Variants in CGGBP1 observed in about 807,000 individuals in gnomAD.
CGGBP1 encodes the protein CGG triplet repeat-binding protein 1.
CGGBP1 carries 4 observed loss-of-function variants against 11.4 expected under a neutral mutation model. The ratio of observed to expected loss-of-function variants is 0.35; its 90% CI spans 0.17 to 0.80. CGGBP1 has a LOEUF of 0.80. CGGBP1 is among the 30% of genes least tolerant of loss of function. The pLI is 0.52. For synonymous variants in CGGBP1, 76 were observed against 74.1 expected (o/e 1.03, Z -0.13); for missense variants, 135 against 202.1 (o/e 0.67, Z 2.01).
intron 2 of CGGBP1, among the ~76,000 whole-genome samples, chr3:88,133,918 A>C (rs4414876): frequency 0.78 from 118,966 of 151,874 alleles, 47,510 homozygotes; most frequent in South Asian, 0.91. Flanking sequence ...AGGAATGTTT[A>C]GTGTCACTGC....
intron 2 of CGGBP1, among the ~76,000 whole-genome samples, chr3:88,129,445 A>T (rs1706317568): frequency 6.6e-6 from 1 of 151,916 alleles, no homozygotes; most frequent in African/African-American, 2.4e-5. Context: ...TCTTTTCCTA[A>T]TATGGATCGT....
rs1706339223 is a variant in CGGBP1 at position 88,129,841 on chromosome 3, A to AT, written c.-229+11128dup. The AT allele has an allele frequency of 2.1e-6, 3 of 1,406,150 alleles. No individual in the cohort carries two copies. In the African/African-American group the frequency reaches 4.3e-5, roughly 20 times the overall value. The allele number at this position is 1,406,150 out of a possible 1,614,324, so 87.1% of individuals were successfully genotyped here. A position where few individuals can be genotyped will look rare whatever the true frequency, so the allele number is the denominator to read the frequency against. On this transcript the variant is annotated intron_variant, in intron 2 of 3. Transcript: ENST00000462901. ...TACTGTATCTGGTAAGTGTTTGTAA[A>AT]TAAAGAAATTGAAATGGTAAGATGG... is the stretch of plus-strand genomic sequence containing the variant.
intron 1 of CGGBP1, among the ~76,000 whole-genome samples, chr3:88,141,395 A>G (rs1447294960): frequency 6.6e-6 from 1 of 152,112 alleles, no homozygotes; most frequent in Non-Finnish European, 1.5e-5. Flanking sequence ...TAAAAGTTGT[A>G]ATTTTGATGG....
In CGGBP1 at chr3:88,055,315, T is replaced by C. The variant is rs1358997753; in HGVS notation, c.*158A>G. 6.7e-6 allele frequency: 4 copies of C among 598,366 alleles called. No homozygotes were observed. The highest frequency in any genetic ancestry group is 3.0e-5 in the East Asian group (1 of 32,992). The allele number at this position is 598,366 out of a possible 1,614,324, so 37.1% of individuals were successfully genotyped here. On this transcript the variant is annotated 3_prime_UTR_variant, in exon 4 of 4. Transcript: ENST00000482016. This position sits in a 1 kb window ranked among gnomAD's most constrained non-coding sequence, Gnocchi z 4.2. ...CTAAAATTAACAATAAGTTTTGCAG[T>C]GAGGTGGTTTTTTTTTTGCCTGCAA...
rs1351113492 is a variant in CGGBP1 at position 88,052,268 on chromosome 3, A to C, written c.*3205T>G. 1.3e-5 allele frequency: 2 copies of C among 152,668 alleles called. No individual in the cohort carries two copies. Among genetic ancestry groups the C allele is most frequent in the African/African-American group, 2.4e-5 (1 of 41,458 alleles). The allele number at this position is 152,668 out of a possible 1,614,324, so 9.5% of individuals were successfully genotyped here. On this transcript the variant is annotated 3_prime_UTR_variant, in exon 4 of 4. Transcript: ENST00000482016. ...ATAGCCACTTCACTATTCACATTTT[A>C]ATCAGTGCTGACCAGAAGCTAAAGC...
At chr3:88,059,605 C>A, upstream of CGGBP1, 4 of 1,399,496 alleles carry the variant, frequency 2.9e-6, no homozygotes, top group Non-Finnish European at 3.7e-6. Flanking sequence ...GTCCAGTGCC[C>A]GCTCCTCCCC....
chr3:88,052,441 C>T lies in CGGBP1; in HGVS notation c.*3032G>A, dbSNP rs1706449409. The T allele has an allele frequency of 6.6e-6, 1 of 152,556 alleles. No homozygotes were observed. The highest frequency in any genetic ancestry group is 2.4e-5 in the African/African-American group (1 of 41,434). The allele number at this position is 152,556 out of a possible 1,614,324, so 9.5% of individuals were successfully genotyped here. The stretch of plus-strand genomic sequence containing the variant: ...AGAGAGCCCTTACAAAGACTAAGCA[C>T]CAAATGATGAACTGTTTGTGGCTTT... On this transcript the variant is annotated 3_prime_UTR_variant, in exon 4 of 4. Transcript: ENST00000482016.
At chr3:88,107,067 A>C (rs1704787086) in intron 2 of CGGBP1, among the ~76,000 whole-genome samples, 2 of 152,204 alleles carry the variant, frequency 1.3e-5, no homozygotes, top group African/African-American at 2.4e-5. Context: ...TTTGCCAGAT[A>C]CACAATTTTG....
chr3:88,112,531 TA>T (rs869182713), intron 2 of CGGBP1, among the ~76,000 whole-genome samples: 1 of 55,820 alleles, frequency 1.8e-5, no homozygotes, highest in Non-Finnish European at 5.5e-5. Context: ...AAGGAGGAAC[TA>T]CAGAATTTGA....
intron 2 of CGGBP1, among the ~76,000 whole-genome samples, chr3:88,066,521 C>T (rs1189349432): frequency 2.0e-5 from 3 of 151,940 alleles, no homozygotes. Flanking sequence ...TTGCAGTCAG[C>T]TGAGATCTCC....
chr3:88,130,778 A>G (rs1706411717), intron 2 of CGGBP1, among the ~76,000 whole-genome samples: 1 of 151,940 alleles, frequency 6.6e-6, no homozygotes, highest in African/African-American at 2.4e-5. Flanking sequence ...TTTATAGATT[A>G]AAATCTTCAA....
chr3:88,104,807 A>G lies in CGGBP1; in HGVS notation c.-229+36163T>C, dbSNP rs187630034. On this transcript the variant is annotated intron_variant, in intron 2 of 3. Transcript: ENST00000462901. ...ATGAATAGACAGAACAAACAAAACTATTAAGATGATAGGGTTTAATCTAAG... is the reference window on the plus strand; with the variant it reads ...ATGAATAGACAGAACAAACAAAACTGTTAAGATGATAGGGTTTAATCTAAG... 5.9e-5 allele frequency among the ~76,000 whole-genome samples: 9 copies of G among 152,370 alleles called. No homozygotes were observed. In the East Asian group the frequency reaches 1.7e-3, roughly 29 times the overall value.
chr3:88,071,461 G>A (rs1214940286), intron 2 of CGGBP1, among the ~76,000 whole-genome samples: 15 of 152,264 alleles, frequency 9.9e-5, no homozygotes, highest in African/African-American at 3.4e-4. Flanking sequence ...TGGCTAACAC[G>A]GTGAAACCCC....
chr3:88,059,241 A>T (rs116822668), upstream of CGGBP1: 5 of 1,520,790 alleles, frequency 3.3e-6, no homozygotes, highest in Non-Finnish European at 4.4e-6. Flanking sequence ...GGAACTAGAG[A>T]GGAGGAGGAG....
chr3:88,103,779 T>C (rs1441834718), intron 2 of CGGBP1, among the ~76,000 whole-genome samples: 3 of 148,764 alleles, frequency 2.0e-5, no homozygotes, highest in Non-Finnish European at 4.5e-5. Context: ...TTTTTTTTTT[T>C]TTTTTGAGAT....
chr3:88,065,404 G>A (rs1277866041), intron 2 of CGGBP1, among the ~76,000 whole-genome samples: 3 of 151,988 alleles, frequency 2.0e-5, no homozygotes, highest in Admixed American at 2.0e-4. Context: ...ACTATTATTA[G>A]GGGAGTTAGT....
chr3:88,076,857 C>T lies in CGGBP1; in HGVS notation c.-228-18634G>A, dbSNP rs192834011. Among the ~76,000 whole-genome samples the T allele has an allele frequency of 2.4e-3, 369 of 152,258 alleles. 4 individuals carry two copies. Among genetic ancestry groups the T allele is most frequent in the Admixed American group, 9.9e-3 (152 of 15,296 alleles). ...GCTATTCATAAGAGGAAAGTTGGAT[C>T]TTTAGGCAGATACCTAAGCTGCCAC... On this transcript the variant is annotated intron_variant, in intron 2 of 3. Coordinates refer to the CGGBP1 transcript ENST00000462901.
chr3:88,116,766 T>C (rs1323551296), intron 2 of CGGBP1, among the ~76,000 whole-genome samples: 1 of 152,104 alleles, frequency 6.6e-6, no homozygotes, highest in East Asian at 1.9e-4. Flanking sequence ...TGTCTTTCAC[T>C]GAAGCATCCT....
intron 2 of CGGBP1, among the ~76,000 whole-genome samples, chr3:88,122,723 T>C (rs1442169665): frequency 1.3e-5 from 2 of 152,058 alleles, no homozygotes; most frequent in African/African-American, 4.8e-5. Flanking sequence ...AAATACAATA[T>C]GTATGGCTGG....
Sources: gnomAD v4.1 joint callset for allele counts (sites outside exome capture counted in the v4.1 genomes callset) on GRCh38, gnomAD v4.1.1 for gene constraint, Gnocchi (gnomAD v3.1) non-coding constraint, MANE v1.5 for transcripts, NCBI Gene and HGNC (gene_info 2026-07-23, HGNC 2026-07-21) for gene names.